The following NSRP1 variants were observed in gnomAD, a reference collection of about 807,000 sequenced individuals.
NSRP1 encodes the protein coiled-coil domain containing 55.
In NSRP1, 24 loss-of-function variants were observed where a neutral mutation model predicts 54.7. That is an observed-to-expected ratio of 0.44 (90% CI 0.32 to 0.62). The LOEUF (loss-of-function observed/expected upper bound fraction) is 0.62, where lower values mean the gene tolerates loss of function less well. Among genes scored for constraint, NSRP1 ranks in the 20% least tolerant of loss-of-function variants. The probability of loss-of-function intolerance (pLI) is 0.06; values close to 1 mark genes in which losing one functional copy is unlikely to be tolerated. For missense variants in NSRP1, 596 were observed against 651.2 expected, an observed-to-expected ratio of 0.92 and a Z score of 0.92; for synonymous variants, 210 against 213.8, an observed-to-expected ratio of 0.98 and a Z score of 0.15.
At chr17:30,153,249 A>G (rs2071931171) in intron 2 of NSRP1, among the ~76,000 whole-genome samples, 1 of 151,982 alleles carries the variant, frequency 6.6e-6, no homozygotes, top group Non-Finnish European at 1.5e-5. Flanking sequence ...TGTTGTATTT[A>G]GGCTCTTTTT....
chr17:30,163,935 C>T (rs1904634373), intron 2 of NSRP1, among the ~76,000 whole-genome samples: 1 of 152,098 alleles, frequency 6.6e-6, no homozygotes. Context: ...ATCTGCCCTC[C>T]TCGACCTCCC....
rs186910749 is a variant in NSRP1, at chr17:30,146,913, T to A, written c.115-25629T>A. Among the ~76,000 whole-genome samples, 80 of 152,314 alleles carry A rather than the reference T, an allele frequency of 5.3e-4. No individual in the cohort carries two copies. The Middle Eastern group carries it at 0.01, about 19-fold the overall frequency. The stretch of plus-strand genomic sequence containing the variant: ...AGCCTAATCAGATTTACTGTAATAG[T>A]TTGTTTAAACCATCTGCTTCATCTC... On this transcript the variant is annotated intron_variant, in intron 2 of 6. Coordinates refer to ENST00000247026, the MANE Select transcript of NSRP1 (RefSeq NM_032141.4).
chr17:30,142,569 C>T (rs373855411), intron 2 of NSRP1, among the ~76,000 whole-genome samples: 2 of 151,954 alleles, frequency 1.3e-5, no homozygotes, highest in East Asian at 3.9e-4. Flanking sequence ...TGGCCTCAAA[C>T]GATCCTCCCA....
At chr17:30,164,031 G>A (rs757600099) in intron 2 of NSRP1, among the ~76,000 whole-genome samples, 4 of 145,724 alleles carry the variant, frequency 2.7e-5, no homozygotes, top group South Asian at 2.1e-4. Flanking sequence ...GTGTGTGTGC[G>A]TGTGTGCGAA....
At chr17:30,140,413 C>G (rs528009625) in intron 2 of NSRP1, among the ~76,000 whole-genome samples, 4 of 150,302 alleles carry the variant, frequency 2.7e-5, no homozygotes, top group Non-Finnish European at 5.9e-5. Flanking sequence ...TTGTGAACCT[C>G]TGTTTTAGGA....
intron 2 of NSRP1, among the ~76,000 whole-genome samples, chr17:30,156,078 G>A (rs1394788938): frequency 1.3e-5 from 2 of 152,016 alleles, no homozygotes; most frequent in South Asian, 2.1e-4. Flanking sequence ...AACCTCAAGC[G>A]ATCTGCCCGC....
Position 30,185,790 on chromosome 17 carries a change from A to G in NSRP1, c.*116A>G. The G allele has an allele frequency of 8.4e-7, 1 of 1,192,408 alleles. No individual in the cohort carries two copies. The highest frequency in any genetic ancestry group is 2.5e-5 in the East Asian group (1 of 40,552). The allele number at this position is 1,192,408 out of a possible 1,614,324, so 73.9% of individuals were successfully genotyped here. A position where few individuals can be genotyped will look rare whatever the true frequency, so the allele number is the denominator to read the frequency against. ...TAGTTTGGAGGGCATTTTTAAATTT[A>G]TTTTCAAAATTTTAAGTTAAAAGTC... On this transcript the variant is annotated 3_prime_UTR_variant, in exon 7 of 7. Coordinates refer to ENST00000247026, the MANE Select transcript of NSRP1 (RefSeq NM_032141.4).
At chr17:30,129,197 G>A (rs2071678465) in intron 2 of NSRP1, among the ~76,000 whole-genome samples, 1 of 151,946 alleles carries the variant, frequency 6.6e-6, no homozygotes, top group South Asian at 2.1e-4. Context: ...TTATCTGATA[G>A]AAGACTAGGA....
At chr17:30,127,808 C>T in intron 2 of NSRP1, 1 of 387,248 alleles carries the variant, frequency 2.6e-6, no homozygotes, top group Non-Finnish European at 4.6e-6. Context: ...CTTAGTTTTA[C>T]ATTTTATTTA....
At chr17:30,117,895 T>A (rs1259349449) in intron 1 of NSRP1, 185 bp from the exon 2 acceptor site, 2 of 512,056 alleles carry the variant, frequency 3.9e-6, no homozygotes, top group Non-Finnish European at 7.0e-6. Flanking sequence ...CTTAGAGTAG[T>A]AATTATAGAA....
chr17:30,135,984 G>A (rs900995597), intron 2 of NSRP1, among the ~76,000 whole-genome samples: 3 of 151,896 alleles, frequency 2.0e-5, no homozygotes, highest in South Asian at 2.1e-4. Context: ...AGGCCAAGGC[G>A]GGTGGATCAC....
At chr17:30,170,080 AAAG>A (rs1008125744) in intron 2 of NSRP1, among the ~76,000 whole-genome samples, 1 of 152,170 alleles carries the variant, frequency 6.6e-6, no homozygotes, top group African/African-American at 2.4e-5. Context: ...CCCACAAATG[AAAG>A]AATTAAAAAT....
intron 2 of NSRP1, chr17:30,163,141 T>C: frequency 6.6e-6 from 1 of 151,338 alleles, no homozygotes; most frequent in Non-Finnish European, 1.5e-5. Context: ...CGCCTCAGCC[T>C]CCCAAAGCGC....
intron 6 of NSRP1, among the ~76,000 whole-genome samples, chr17:30,181,614 T>G (rs912090819): frequency 3.7e-4 from 56 of 149,932 alleles, no homozygotes; most frequent in African/African-American, 1.2e-3. Flanking sequence ...TTTTTTGTTT[T>G]TTTTTTTTTT....
At chr17:30,175,860 G>A (rs903250283) in intron 3 of NSRP1, among the ~76,000 whole-genome samples, 10 of 151,910 alleles carry the variant, frequency 6.6e-5, no homozygotes, top group South Asian at 6.2e-4. Context: ...AAAATTAGCC[G>A]GGCATGGTGG....
chr17:30,184,424 A>G (rs116788596), intron 6 of NSRP1, among the ~76,000 whole-genome samples, 191 bp from the exon 7 acceptor site: 17 of 152,332 alleles, frequency 1.1e-4, no homozygotes, highest in African/African-American at 4.1e-4. Context: ...AAATATTCTG[A>G]ATGGTATGAA....
chr17:30,167,159 C>T (rs186239476), intron 2 of NSRP1, among the ~76,000 whole-genome samples: 9 of 152,178 alleles, frequency 5.9e-5, no homozygotes, highest in African/African-American at 1.7e-4. Context: ...TTGTGTGTGG[C>T]TTATTTTACT....
rs779756387 is a variant in NSRP1, at chr17:30,119,940, C to T, written c.114+1767C>T. On this transcript the variant is annotated intron_variant, in intron 2 of 6. Transcript: ENST00000247026. ...AGGTATAATTTACATATAAAATGCT[C>T]AGATTTTAAGTGTACAGCTTGATGA... Among the ~76,000 whole-genome samples, 39 of 152,162 alleles carry T rather than the reference C, an allele frequency of 2.6e-4. 1 individual carries two copies. The highest frequency in any genetic ancestry group is 1.0e-4 in the Non-Finnish European group (7 of 68,034).
chr17:30,167,675 A>G (rs1411745190), intron 2 of NSRP1, among the ~76,000 whole-genome samples: 1 of 152,152 alleles, frequency 6.6e-6, no homozygotes, highest in African/African-American at 2.4e-5. Context: ...ACACATAAAT[A>G]TATGTATTTA....
Sources: allele counts gnomAD v4.1 joint callset (sites outside exome capture counted in the v4.1 genomes callset), GRCh38; gene constraint gnomAD v4.1.1; transcripts MANE v1.5; gene names NCBI Gene and HGNC (gene_info 2026-07-23, HGNC 2026-07-21).